Variants in ZNF865 observed in about 807,000 individuals in gnomAD.
ZNF865 encodes zinc finger protein 865.
For synonymous variants in ZNF865, 763 were observed against 750.8 expected (o/e 1.02, Z -0.27); for missense variants, 1,311 against 1,593.4 (o/e 0.82, Z 3.02).
Position 55,615,942 on chromosome 19 carries a change from G to T in ZNF865, c.2324G>T (p.Gly775Val). 6.6e-7 allele frequency: 1 copy of T among 1,508,320 alleles called. No individual in the cohort carries two copies. The highest frequency in any genetic ancestry group is 8.8e-7 in the Non-Finnish European group (1 of 1,134,034). The allele number at this position is 1,508,320 out of a possible 1,614,324, so 93.4% of individuals were successfully genotyped here. A position where few individuals can be genotyped will look rare whatever the true frequency, so the allele number is the denominator to read the frequency against. Residue 775 changes from glycine to valine, a missense_variant, in exon 2 of 2, where the codon GGG becomes GTG. Transcript: ENST00000568956. Reference sequence around the variant, plus strand: ...GTGTCTGGGGGTGAGGACGCAGGCGGGGCGGCGGTGGCAGGTGCTGGCGGG... The same window carrying T: ...GTGTCTGGGGGTGAGGACGCAGGCGTGGCGGCGGTGGCAGGTGCTGGCGGG... ...AGVSGGEDAG[G>V]AAVAGAGGGA...
In ZNF865 at chr19:55,614,329, G is replaced by A. The variant is rs1321061198; in HGVS notation, c.711G>A (p.Ser237=). ...GCCAGAAGTCCTTCAAGCAGTCCTC[G>A]CACCTGGTCCAGCACATGCTGGTGC... The part of the protein sequence containing the change: ...GVCQKSFKQS[S]HLVQHMLVHS... The change falls in exon 2 of 2, where the codon TCG becomes TCA. Residue 237 remains serine, a synonymous_variant. Coordinates refer to ENST00000568956, the MANE Select transcript of ZNF865 (RefSeq NM_001195605.2). This position sits in a 1 kb window ranked among gnomAD's most constrained non-coding sequence, Gnocchi z 8.0. The A allele has an allele frequency of 1.3e-6, 2 of 1,500,838 alleles. No individual in the cohort carries two copies. The highest frequency in any genetic ancestry group is 2.7e-5 in the East Asian group (1 of 37,020). 93.0% of individuals were successfully genotyped at this position (1,500,838 alleles called of 1,614,324 possible).
Position 55,616,486 on chromosome 19 carries a change from C to A in ZNF865, c.2868C>A (p.Gly956=), listed in dbSNP as rs1176845459. The A allele has an allele frequency of 6.5e-7, 1 of 1,533,666 alleles. No homozygotes were observed. The highest frequency in any genetic ancestry group is 2.0e-5 in the Admixed American group (1 of 50,858). ...NLLEHQRLHL[G]ERAYRCEHCG... is the part of the protein sequence containing the mutation. ...TGGAGCACCAGCGGCTGCACCTGGG[C>A]GAGCGCGCCTACCGCTGTGAGCACT... is the stretch of plus-strand genomic sequence containing the variant. The change falls in exon 2 of 2, where the codon GGC becomes GGA. Residue 956 remains glycine (G), a synonymous_variant. Transcript: ENST00000568956.
In ZNF865 at chr19:55,614,126, G is replaced by A. The variant is rs1174792321; in HGVS notation, c.508G>A (p.Gly170Arg). The change falls in exon 2 of 2, where the codon GGG becomes AGG. Residue 170 changes from glycine to arginine, a missense_variant. Gly to Arg is a moderately radical substitution (Grantham distance 125). Coordinates refer to ENST00000568956, the MANE Select transcript of ZNF865 (RefSeq NM_001195605.2). The surrounding 1 kb of genome is among the most constrained non-coding windows in gnomAD (Gnocchi z 8.0). ...GNLKRGGPAS[G>R]PGVTPGLGAP... ...CCTGAAGCGAGGAGGGCCCGCGTCC[G>A]GGCCGGGGGTGACGCCTGGGCTGGG... 5 of 1,430,472 alleles carry A rather than the reference G, an allele frequency of 3.5e-6. No individual in the cohort carries two copies. Among genetic ancestry groups the A allele is most frequent in the East Asian group, 2.7e-5 (1 of 37,362 alleles). The allele number at this position is 1,430,472 out of a possible 1,614,324, so 88.6% of individuals were successfully genotyped here.
At position 55,613,734 on chromosome 19, in the gene ZNF865, A is replaced by G; in HGVS notation, c.116A>G (p.His39Arg). ...TTCGACTTCCTGGAATTCCTCAACC[A>G]CCAGCGCTTCGAGCCCATGGAACTG... The part of the protein sequence containing the change: ...YPFDFLEFLN[H>R]QRFEPMELYG... The change falls in exon 2 of 2, where the codon CAC becomes CGC. Residue 39 changes from histidine to arginine, a missense_variant. Transcript: ENST00000568956. 1 of 1,534,384 alleles carries G rather than the reference A, an allele frequency of 6.5e-7. No individual in the cohort carries two copies. The highest frequency in any genetic ancestry group is 8.7e-7 in the Non-Finnish European group (1 of 1,146,116).
At chr19:55,605,888 C>T (rs1320258009) in intron 1 of ZNF865, among the ~76,000 whole-genome samples, 156 bp downstream of exon 1, 1 of 152,154 alleles carries the variant, frequency 6.6e-6, no homozygotes, top group Admixed American at 6.5e-5. Context: ...CACTGCTCCC[C>T]GGTAGGATCA....
chr19:55,611,518 G>A lies in ZNF865; in HGVS notation c.-26-2075G>A, dbSNP rs751655454. On this transcript the variant is annotated intron_variant, in intron 1 of 1. Transcript: ENST00000568956. The surrounding 1 kb of genome is among the most constrained non-coding windows in gnomAD (Gnocchi z 4.5). Reference sequence around the variant, plus strand: ...CCTCTTTCCGGAGATCAGATTAAACGGAGGGGGTGTGAAGGGCATGGGATG... The same window carrying A: ...CCTCTTTCCGGAGATCAGATTAAACAGAGGGGGTGTGAAGGGCATGGGATG... 9.9e-5 allele frequency among the ~76,000 whole-genome samples: 15 copies of A among 152,280 alleles called. No homozygotes were observed. The highest frequency in any genetic ancestry group is 3.4e-4 in the African/African-American group (14 of 41,550).
At chr19:55,606,616 C>T (rs756728736) in intron 1 of ZNF865, among the ~76,000 whole-genome samples, 1 of 152,236 alleles carries the variant, frequency 6.6e-6, no homozygotes, top group Non-Finnish European at 1.5e-5. Context: ...GTTGCCCTGA[C>T]CTGCAGCTTC....
chr19:55,610,414 C>A (rs1259603973), intron 1 of ZNF865, among the ~76,000 whole-genome samples: 1 of 152,178 alleles, frequency 6.6e-6, no homozygotes, highest in African/African-American at 2.4e-5. Flanking sequence ...GCGCCCACCA[C>A]CAAGCCTGGC....
Position 55,614,578 on chromosome 19 carries a change from C to T in ZNF865, c.960C>T (p.Pro320=), listed in dbSNP as rs2280254. The T allele has an allele frequency of 0.15, 221,336 of 1,507,760 alleles. 17,353 individuals are homozygous for T. The highest frequency in any genetic ancestry group is 0.28 in the Admixed American group (13,480 of 47,494). 93.4% of individuals were successfully genotyped at this position (1,507,760 alleles called of 1,614,324 possible). A position where few individuals can be genotyped will look rare whatever the true frequency, so the allele number is the denominator to read the frequency against. The change falls in exon 2 of 2, where the codon CCC becomes CCT. Residue 320 remains proline, a synonymous_variant. Coordinates refer to ENST00000568956, the MANE Select transcript of ZNF865 (RefSeq NM_001195605.2). The surrounding 1 kb of genome is among the most constrained non-coding windows in gnomAD (Gnocchi z 8.0). The part of the protein sequence containing the change: ...STVSSGPPAT[P]VAPAPSADGS... ...TGTCCTCGGGCCCTCCAGCCACGCCCGTGGCGCCTGCCCCCTCCGCAGACG... is the reference window on the plus strand; with the variant it reads ...TGTCCTCGGGCCCTCCAGCCACGCCTGTGGCGCCTGCCCCCTCCGCAGACG...
At position 55,614,156 on chromosome 19, in the gene ZNF865, C is replaced by T; in HGVS notation, c.538C>T (p.Pro180Ser). Residue 180 changes from proline (P) to serine (S), a missense_variant, in exon 2 of 2, where the codon CCC (proline) becomes TCC (serine). By Grantham distance (74) the Pro-to-Ser change is moderately conservative (BLOSUM62 -1). Transcript: ENST00000568956. The surrounding 1 kb of genome is among the most constrained non-coding windows in gnomAD (Gnocchi z 8.0). The stretch of plus-strand genomic sequence containing the variant: ...GGGGGTGACGCCTGGGCTGGGCGCT[C>T]CCGCGGGGGCCCCAGGGCCGCTTCC... ...GPGVTPGLGAPAGAPGPLPAP... is the reference protein window; with the variant it reads ...GPGVTPGLGASAGAPGPLPAP... 1 of 1,446,034 alleles carries T rather than the reference C, an allele frequency of 6.9e-7. No homozygotes were observed. The highest frequency in any genetic ancestry group is 9.0e-7 in the Non-Finnish European group (1 of 1,109,238). 89.6% of individuals were successfully genotyped at this position (1,446,034 alleles called of 1,614,324 possible).
rs1981378212 is a variant in ZNF865 at position 55,616,822 on chromosome 19, C to T, written c.*24C>T. On this transcript the variant is annotated 3_prime_UTR_variant, in exon 2 of 2. Coordinates refer to ENST00000568956, the MANE Select transcript of ZNF865 (RefSeq NM_001195605.2). The stretch of plus-strand genomic sequence containing the variant: ...GACCGAGGGGTTCCCATCCCACTCC[C>T]ATCAAAAGCCCCCTTCTGGACTCCC... The T allele has an allele frequency of 1.4e-6, 2 of 1,434,122 alleles. No homozygotes were observed. The highest frequency in any genetic ancestry group is 1.8e-6 in the Non-Finnish European group (2 of 1,098,810). The allele number at this position is 1,434,122 out of a possible 1,614,324, so 88.8% of individuals were successfully genotyped here. A position where few individuals can be genotyped will look rare whatever the true frequency, so the allele number is the denominator to read the frequency against.
At chr19:55,610,879 T>G (rs1981108592) in intron 1 of ZNF865, among the ~76,000 whole-genome samples, 1 of 152,164 alleles carries the variant, frequency 6.6e-6, no homozygotes, top group African/African-American at 2.4e-5. Context: ...AGAGGGAGTC[T>G]TGTTGAAATC....
intron 1 of ZNF865, among the ~76,000 whole-genome samples, chr19:55,612,283 G>C (rs1053549793): frequency 6.6e-6 from 1 of 152,174 alleles, no homozygotes; most frequent in Non-Finnish European, 1.5e-5. Context: ...TCCAAGCCCA[G>C]GGTCTGTGTT....
At chr19:55,612,309 C>A (rs1568525287) in intron 1 of ZNF865, among the ~76,000 whole-genome samples, 1 of 152,036 alleles carries the variant, frequency 6.6e-6, no homozygotes, top group African/African-American at 2.4e-5. Flanking sequence ...TGTATCAGAC[C>A]ACCTTCTGAC....
chr19:55,605,876 A>G (rs1980920225), intron 1 of ZNF865, 144 bp downstream of exon 1: 1 of 152,362 alleles, frequency 6.6e-6, no homozygotes, highest in African/African-American at 2.4e-5. Flanking sequence ...GGGACCCCCA[A>G]TCACTGCTCC....
Position 55,617,118 on chromosome 19 carries a change from C to A in ZNF865, c.*320C>A, listed in dbSNP as rs376987403. 7.5e-4 allele frequency: 159 copies of A among 210,784 alleles called. 2 individuals are homozygous for A. The South Asian group carries it at 0.025, about 33-fold the overall frequency. 13.1% of individuals were successfully genotyped at this position (210,784 alleles called of 1,614,324 possible). On this transcript the variant is annotated 3_prime_UTR_variant, in exon 2 of 2. Transcript: ENST00000568956. Reference sequence around the variant, plus strand: ...GAGATGGGTCTGAACCGCCCCTCCCCCTCCTTTGGAATCTGGCTGGACAGT... The same window carrying A: ...GAGATGGGTCTGAACCGCCCCTCCCACTCCTTTGGAATCTGGCTGGACAGT...
At position 55,614,178 on chromosome 19, in the gene ZNF865, T is replaced by A; in HGVS notation, c.560T>A (p.Leu187His). Residue 187 changes from leucine (L) to histidine (H), a missense_variant, in exon 2 of 2, where the codon CTT becomes CAT. Physicochemically the swap from Leu to His is moderately conservative, Grantham distance 99. Coordinates refer to ENST00000568956, the MANE Select transcript of ZNF865 (RefSeq NM_001195605.2). The surrounding 1 kb of genome is among the most constrained non-coding windows in gnomAD (Gnocchi z 8.0). ...LGAPAGAPGPLPAPSQTPPGP... is the reference protein window; with the variant it reads ...LGAPAGAPGPHPAPSQTPPGP... ...GCTCCCGCGGGGGCCCCAGGGCCGC[T>A]TCCTGCCCCCTCGCAGACCCCGCCA... 6.7e-7 allele frequency: 1 copy of A among 1,486,260 alleles called. No individual in the cohort carries two copies. The highest frequency in any genetic ancestry group is 1.3e-5 in the South Asian group (1 of 78,508). The allele number at this position is 1,486,260 out of a possible 1,614,324, so 92.1% of individuals were successfully genotyped here. A position where few individuals can be genotyped will look rare whatever the true frequency, so the allele number is the denominator to read the frequency against.
In ZNF865 at chr19:55,613,417, GGAGCCAA is replaced by G. The variant is rs1327502224; in HGVS notation, c.-26-172_-26-166del. ...GTGAGTAGGAGAGTCCTGGGGCCAG[GGAGCCAA>G]GAGGAAGGGCTGCCCTTTGGGGTGG... is the stretch of plus-strand genomic sequence containing the variant. On this transcript the variant is annotated intron_variant, in intron 1 of 1. Transcript: ENST00000568956. 8 of 186,096 alleles carry G rather than the reference GGAGCCAA, an allele frequency of 4.3e-5. No individual in the cohort carries two copies. The South Asian group carries it at 1.3e-3, about 30-fold the overall frequency. The allele number at this position is 186,096 out of a possible 1,614,324, so 11.5% of individuals were successfully genotyped here. A position where few individuals can be genotyped will look rare whatever the true frequency, so the allele number is the denominator to read the frequency against.
chr19:55,607,840 A>G (rs1025078393), intron 1 of ZNF865, among the ~76,000 whole-genome samples: 3 of 152,234 alleles, frequency 2.0e-5, no homozygotes, highest in African/African-American at 4.8e-5. Context: ...TAGGGTTCAC[A>G]GCTTTGAGCA....
Sources: allele counts gnomAD v4.1 joint callset (sites outside exome capture counted in the v4.1 genomes callset), GRCh38; gene constraint gnomAD v4.1.1; non-coding constraint Gnocchi (gnomAD v3.1); transcripts MANE v1.5; gene names NCBI Gene and HGNC (gene_info 2026-07-23, HGNC 2026-07-21).